CYB5R4: variants seen among roughly 807,000 people sequenced by gnomAD.
CYB5R4 encodes cytochrome b5 reductase 4.
In CYB5R4, 55 loss-of-function variants were observed where a neutral mutation model predicts 70.2. That is an observed-to-expected ratio of 0.78 (90% CI 0.63 to 0.98). The LOEUF (loss-of-function observed/expected upper bound fraction) is 0.98, where lower values mean the gene tolerates loss of function less well. Among genes scored for constraint, CYB5R4 ranks in the 50% least tolerant of loss-of-function variants. CYB5R4 has a pLI of 0.00. For missense variants in CYB5R4, 562 were observed against 612.6 expected (o/e 0.92, Z 0.87); for synonymous variants, 197 against 199.5 (o/e 0.99, Z 0.11).
chr6:83,934,488 T>C (rs1309555020), intron 10 of CYB5R4, 107 bp from the exon 11 acceptor site: 1 of 723,276 alleles, frequency 1.4e-6, no homozygotes, highest in Non-Finnish European at 2.2e-6. Flanking sequence ...TTTAGTGAAA[T>C]TGAAGCTTTC....
chr6:83,879,835 G>T (rs188414430), intron 2 of CYB5R4, among the ~76,000 whole-genome samples: 1 of 152,298 alleles, frequency 6.6e-6, no homozygotes, highest in East Asian at 1.9e-4. Context: ...GCTCTAGTGC[G>T]CACTTGGCCC....
chr6:83,874,003 G>A (rs1471850225), intron 2 of CYB5R4, among the ~76,000 whole-genome samples: 1 of 152,092 alleles, frequency 6.6e-6, no homozygotes, highest in African/African-American at 2.4e-5. Flanking sequence ...ACATGGGCAG[G>A]TGTTTACAGT....
At chr6:83,930,176 C>G (rs1228729272) in intron 10 of CYB5R4, among the ~76,000 whole-genome samples, 2 of 152,204 alleles carry the variant, frequency 1.3e-5, no homozygotes, top group African/African-American at 4.8e-5. Flanking sequence ...AGTCTTGCCT[C>G]GATGCTGATG....
chr6:83,941,574 C>T (rs959882591), intron 14 of CYB5R4, among the ~76,000 whole-genome samples: 3 of 152,170 alleles, frequency 2.0e-5, no homozygotes, highest in African/African-American at 7.2e-5. Flanking sequence ...TGAATATTTT[C>T]TGAATGTCCA....
chr6:83,964,348 A>T lies in CYB5R4; in HGVS notation c.*4470A>T, dbSNP rs1385244647. The T allele has an allele frequency of 6.6e-6, 1 of 152,432 alleles. No individual in the cohort carries two copies. The highest frequency in any genetic ancestry group is 1.5e-5 in the Non-Finnish European group (1 of 68,244). The allele number at this position is 152,432 out of a possible 1,614,324, so 9.4% of individuals were successfully genotyped here. A position where few individuals can be genotyped will look rare whatever the true frequency, so the allele number is the denominator to read the frequency against. On this transcript the variant is annotated 3_prime_UTR_variant, in exon 16 of 16. Coordinates refer to ENST00000369681, the MANE Select transcript of CYB5R4 (RefSeq NM_016230.4). ...TAGACTGAGGTGGTCTCAGGTGGAG[A>T]TGAGGAACCTGTTGAGAACTGGAGC...
In CYB5R4 at chr6:83,965,513, C is replaced by G. The variant is rs1295578909; in HGVS notation, c.*5635C>G. ...CCCAATACCTGTACCCTCATTGTAT[C>G]TAGGAAGTAACTAGCTTGCTTTTGA... On this transcript the variant is annotated 3_prime_UTR_variant, in exon 16 of 16. Coordinates refer to ENST00000369681, the MANE Select transcript of CYB5R4 (RefSeq NM_016230.4). The G allele has an allele frequency of 6.6e-6, 1 of 152,134 alleles. No individual in the cohort carries two copies. The highest frequency in any genetic ancestry group is 1.5e-5 in the Non-Finnish European group (1 of 68,044). 9.4% of individuals were successfully genotyped at this position (152,134 alleles called of 1,614,324 possible).
chr6:83,946,607 G>C (rs1399416161), intron 14 of CYB5R4, among the ~76,000 whole-genome samples: 1 of 152,112 alleles, frequency 6.6e-6, no homozygotes, highest in Admixed American at 6.6e-5. Flanking sequence ...AGGGTATTCA[G>C]ATAGGAAAAG....
chr6:83,888,591 C>T (rs1199960030), intron 2 of CYB5R4, among the ~76,000 whole-genome samples: 4 of 152,162 alleles, frequency 2.6e-5, no homozygotes, highest in Non-Finnish European at 5.9e-5. Flanking sequence ...TATATGTTCT[C>T]ACTACTCCCC....
In CYB5R4 at chr6:83,894,852, G is replaced by A. The variant is rs535138992; in HGVS notation, c.330+1230G>A. Reference sequence around the variant, plus strand: ...CTCATCTTCATCTTGAGTAGGCTGAGGAGGAGGAGGAGAAATAGGGAGGGT... The same window carrying A: ...CTCATCTTCATCTTGAGTAGGCTGAAGAGGAGGAGGAGAAATAGGGAGGGT... On this transcript the variant is annotated intron_variant, in intron 3 of 15. Coordinates refer to ENST00000369681, the MANE Select transcript of CYB5R4 (RefSeq NM_016230.4). Among the ~76,000 whole-genome samples the A allele has an allele frequency of 2.0e-5, 3 of 152,098 alleles. No homozygotes were observed. The South Asian group carries it at 6.2e-4, about 32-fold the overall frequency.
chr6:83,914,357 A>G, intron 4 of CYB5R4, 59 bp from the exon 5 acceptor site: 1 of 1,471,574 alleles, frequency 6.8e-7, no homozygotes, highest in Non-Finnish European at 9.2e-7. Context: ...ATGTGGACTG[A>G]CATTCTCATT....
chr6:83,916,788 T>G (rs140273040), intron 5 of CYB5R4, among the ~76,000 whole-genome samples: 379 of 152,286 alleles, frequency 2.5e-3, no homozygotes, highest in African/African-American at 7.5e-3. Flanking sequence ...AACGTTTGTG[T>G]CTAAAAAGAA....
chr6:83,886,373 T>C (rs1329426283), intron 2 of CYB5R4, among the ~76,000 whole-genome samples: 3 of 152,154 alleles, frequency 2.0e-5, no homozygotes, highest in Non-Finnish European at 4.4e-5. Flanking sequence ...AATAGCAAAG[T>C]GGAACCAGCT....
intron 4 of CYB5R4, among the ~76,000 whole-genome samples, chr6:83,911,645 C>T (rs983148762): frequency 1.3e-5 from 2 of 152,098 alleles, no homozygotes; most frequent in African/African-American, 2.4e-5. Flanking sequence ...TAAAATACTA[C>T]TTCTTCTATA....
At position 83,948,627 on chromosome 6, in the gene CYB5R4, T is replaced by G. The variant is rs899397102; in HGVS notation, c.1347-6671T>G. 2.0e-5 allele frequency among the ~76,000 whole-genome samples: 3 copies of G among 152,302 alleles called. No individual in the cohort carries two copies. In the East Asian group the frequency reaches 5.8e-4, roughly 29 times the overall value. On this transcript the variant is annotated intron_variant, in intron 14 of 15. Transcript: ENST00000369681. ...TAGATAGTTACCTTATAAAAGCAAT[T>G]TTGTAAAATTTTATTTTTTTAGGAA...
At chr6:83,956,372 G>T (rs1306338698) in intron 15 of CYB5R4, among the ~76,000 whole-genome samples, 3 of 151,368 alleles carry the variant, frequency 2.0e-5, no homozygotes, top group Non-Finnish European at 3.0e-5. Flanking sequence ...AAGCTGGATT[G>T]GGGGGGGCAC....
intron 1 of CYB5R4, among the ~76,000 whole-genome samples, chr6:83,861,336 A>C (rs528019305): frequency 1.8e-3 from 271 of 152,372 alleles, no homozygotes; most frequent in African/African-American, 6.3e-3. Context: ...AAACAAGATG[A>C]TGCTGAGAAT....
intron 3 of CYB5R4, among the ~76,000 whole-genome samples, chr6:83,894,809 A>G (rs2099461611): frequency 1.3e-5 from 2 of 152,350 alleles, no homozygotes; most frequent in African/African-American, 2.4e-5. Context: ...GAAGTGGATC[A>G]TCATGAAGGT....
chr6:83,916,573 C>T (rs55854125), intron 5 of CYB5R4, among the ~76,000 whole-genome samples: 1,635 of 152,248 alleles, frequency 0.011, 30 homozygotes, highest in African/African-American at 0.037. Flanking sequence ...TTAGTGCCCA[C>T]TGCTAATTAT....
At chr6:83,955,146 C>T in intron 14 of CYB5R4, 152 bp from the exon 15 acceptor site, 1 of 583,620 alleles carries the variant, frequency 1.7e-6, no homozygotes, top group Non-Finnish European at 2.8e-6. Context: ...TTTGTTAAAT[C>T]TTACAATTTT....
Sources: gnomAD v4.1 joint callset for allele counts (sites outside exome capture counted in the v4.1 genomes callset) on GRCh38, gnomAD v4.1.1 for gene constraint, MANE v1.5 for transcripts, NCBI Gene and HGNC (gene_info 2026-07-23, HGNC 2026-07-21) for gene names.